CLCN6: variants seen among roughly 807,000 people sequenced by gnomAD.
CLCN6 encodes the protein Cl-/H+ antiporter 6.
In CLCN6, 70 loss-of-function variants were observed where a neutral mutation model predicts 109.8. The observed-to-expected ratio is 0.64, with a 90% confidence interval of 0.53 to 0.78. The LOEUF (loss-of-function observed/expected upper bound fraction) is 0.78, where lower values mean the gene tolerates loss of function less well. Ranked by LOEUF, CLCN6 falls within the 30% of genes least tolerant of loss-of-function variation. The pLI is 0.00. For missense variants in CLCN6, 984 were observed against 1,142.3 expected (o/e 0.86, Z 2.00); for synonymous variants, 444 against 447.8 (o/e 0.99, Z 0.11).
rs560122047 is a variant in CLCN6, at chr1:11,836,895, C to T, written c.1981-104C>T. 31 of 1,349,928 alleles carry T rather than the reference C, an allele frequency of 2.3e-5. 1 individual carries two copies. The East Asian group carries it at 2.4e-4, about 10-fold the overall frequency. The allele number at this position is 1,349,928 out of a possible 1,614,324, so 83.6% of individuals were successfully genotyped here. ...CTCAGCCCCATTAAGTTCCTGCGTCCGGATGTGCTTCTGACCCTCCCTGTC... is the reference window on the plus strand; with the variant it reads ...CTCAGCCCCATTAAGTTCCTGCGTCTGGATGTGCTTCTGACCCTCCCTGTC... On this transcript the variant is annotated intron_variant, in intron 18 of 22. Coordinates refer to ENST00000346436, the MANE Select transcript of CLCN6 (RefSeq NM_001286.5).
At chr1:11,821,342 G>A (rs909452888) in intron 5 of CLCN6, among the ~76,000 whole-genome samples, 1 of 152,192 alleles carries the variant, frequency 6.6e-6, no homozygotes, top group Admixed American at 6.5e-5. Context: ...CGGATCACTT[G>A]AGGTCAGGAG....
chr1:11,833,045 C>T (rs1225278571), intron 13 of CLCN6, among the ~76,000 whole-genome samples: 1 of 149,230 alleles, frequency 6.7e-6, no homozygotes, highest in African/African-American at 2.5e-5. Flanking sequence ...TAGCAAATTG[C>T]AGCAAAATCA....
chr1:11,811,302 G>C (rs1429515810), intron 2 of CLCN6, among the ~76,000 whole-genome samples: 2 of 151,902 alleles, frequency 1.3e-5, no homozygotes, highest in Non-Finnish European at 2.9e-5. Context: ...ATACTATTCA[G>C]TTCACCCATG....
chr1:11,835,996 A>G lies in CLCN6; in HGVS notation c.1823A>G (p.Asn608Ser), dbSNP rs994241199. 2 of 1,613,406 alleles carry G rather than the reference A, an allele frequency of 1.2e-6. No individual in the cohort carries two copies. The highest frequency in any genetic ancestry group is 1.3e-5 in the African/African-American group (1 of 74,752). ...KLRASDIMEP[N>S]LTYVYPHTRI... is the part of the protein sequence containing the mutation. ...AGAGCCAGCGACATCATGGAGCCCA[A>G]CCTGACCTACGTCTACCCGCACACC... Residue 608 changes from asparagine (N) to serine (S), a missense_variant, in exon 18 of 23, where the codon AAC becomes AGC. By Grantham distance (46) the Asn-to-Ser change is conservative (BLOSUM62 1). Coordinates refer to ENST00000346436, the MANE Select transcript of CLCN6 (RefSeq NM_001286.5).
intron 2 of CLCN6, among the ~76,000 whole-genome samples, chr1:11,814,453 G>A (rs577522393): frequency 1.3e-5 from 2 of 152,044 alleles, no homozygotes; most frequent in East Asian, 3.9e-4. Flanking sequence ...TCACCATCTT[G>A]CCTAGGCTGG....
At chr1:11,810,172 G>T (rs771841754) in intron 2 of CLCN6, among the ~76,000 whole-genome samples, 5 of 152,134 alleles carry the variant, frequency 3.3e-5, no homozygotes, top group African/African-American at 4.8e-5. Context: ...TCTAAAAAGT[G>T]CCCCTTCTTC....
intron 17 of CLCN6, among the ~76,000 whole-genome samples, chr1:11,835,741 C>T (rs1644935839): frequency 6.6e-6 from 1 of 152,190 alleles, no homozygotes; most frequent in Non-Finnish European, 1.5e-5. Context: ...TGAGCCCGAG[C>T]CCATCAGCCT....
chr1:11,826,298 T>C, intron 9 of CLCN6, 84 bp downstream of exon 9: 1 of 1,158,716 alleles, frequency 8.6e-7, no homozygotes, highest in South Asian at 1.2e-5. Context: ...TGCTCTAGCC[T>C]GGCAGTATCC....
intron 12 of CLCN6, 90 bp from the exon 13 acceptor site, chr1:11,829,106 C>A (rs1284346626): frequency 1.3e-6 from 2 of 1,484,840 alleles, no homozygotes; most frequent in Non-Finnish European, 9.2e-7. Flanking sequence ...TTGGAGAAAT[C>A]GGGGCTGGGG....
At position 11,829,300 on chromosome 1, in the gene CLCN6, G is replaced by A; in HGVS notation, c.1226G>A (p.Gly409Asp). 1 of 1,614,146 alleles carries A rather than the reference G, an allele frequency of 6.2e-7. No individual in the cohort carries two copies. The highest frequency in any genetic ancestry group is 1.7e-4 in the Middle Eastern group (1 of 6,060). The change falls in exon 13 of 23, where the codon GGT becomes GAT. Residue 409 changes from glycine (G) to aspartate (D), a missense_variant. Physicochemically the swap from Gly to Asp is moderately conservative, Grantham distance 94. Coordinates refer to ENST00000346436, the MANE Select transcript of CLCN6 (RefSeq NM_001286.5). The stretch of plus-strand genomic sequence containing the variant: ...CAGATGTCCTCTTCGAGTCAAATCG[G>A]TAATGACTCATTCCAGCTCCAGGTA... ...CRQMSSSSQI[G>D]NDSFQLQVTE...
At chr1:11,820,464 T>G in intron 5 of CLCN6, 1 of 696,990 alleles carries the variant, frequency 1.4e-6, no homozygotes, top group Non-Finnish European at 2.7e-6. Context: ...AGGCACAGAC[T>G]ATAAGAAAAA....
intron 3 of CLCN6, 89 bp downstream of exon 3, chr1:11,816,000 T>C: frequency 1.0e-6 from 1 of 969,888 alleles, no homozygotes; most frequent in African/African-American, 1.6e-5. Flanking sequence ...TAAACATCTT[T>C]ACACCTTGTT....
At chr1:11,825,272 G>A (rs948046468) in intron 8 of CLCN6, among the ~76,000 whole-genome samples, 3 of 152,180 alleles carry the variant, frequency 2.0e-5, no homozygotes, top group Admixed American at 1.3e-4. Flanking sequence ...AGATTCTTTC[G>A]TCCAGAGCTC....
chr1:11,837,380 C>T lies in CLCN6; in HGVS notation c.2176C>T (p.Pro726Ser). 1.2e-6 allele frequency: 2 copies of T among 1,614,024 alleles called. No homozygotes were observed. The highest frequency in any genetic ancestry group is 1.7e-6 in the Non-Finnish European group (2 of 1,179,862). Residue 726 changes from proline to serine, a missense_variant, in exon 20 of 23, where the codon CCA becomes TCA. Physicochemically the swap from Pro to Ser is moderately conservative, Grantham distance 74. Transcript: ENST00000346436. ...PYPNLYPDQS[P>S]SEDWTMEERF... ...CCCCAACCTATACCCTGACCAGTCCCCAAGTGAAGACTGGACCATGGAGGA... is the reference window on the plus strand; with the variant it reads ...CCCCAACCTATACCCTGACCAGTCCTCAAGTGAAGACTGGACCATGGAGGA...
At chr1:11,814,992 C>T (rs2100613277) in intron 2 of CLCN6, among the ~76,000 whole-genome samples, 1 of 150,162 alleles carries the variant, frequency 6.7e-6, no homozygotes, top group African/African-American at 2.5e-5. Flanking sequence ...GAGATTGCGC[C>T]ACTGCACTCC....
chr1:11,824,700 A>G (rs1644790001), intron 8 of CLCN6, 147 bp downstream of exon 8: 2 of 528,414 alleles, frequency 3.8e-6, no homozygotes. Context: ...TCTATCTCTC[A>G]GGAAAGGGCA....
At chr1:11,831,738 C>T (rs78223452) in intron 13 of CLCN6, among the ~76,000 whole-genome samples, 1 of 151,976 alleles carries the variant, frequency 6.6e-6, no homozygotes, top group African/African-American at 2.4e-5. Flanking sequence ...GGCTGGAGTA[C>T]GGTGGTGTGA....
intron 13 of CLCN6, among the ~76,000 whole-genome samples, chr1:11,830,764 T>TATATAC (rs1202765592): frequency 1.7e-3 from 202 of 115,522 alleles, no homozygotes; most frequent in African/African-American, 4.8e-3. Flanking sequence ...TATATATATA[T>TATATAC]ACACACACAC....
At chr1:11,822,247 G>C (rs1361315455) in intron 5 of CLCN6, among the ~76,000 whole-genome samples, 1 of 152,136 alleles carries the variant, frequency 6.6e-6, no homozygotes, top group Non-Finnish European at 1.5e-5. Context: ...AATGTCAAAG[G>C]CATCTCAAAC....
Sources: allele counts gnomAD v4.1 joint callset (sites outside exome capture counted in the v4.1 genomes callset), GRCh38; gene constraint gnomAD v4.1.1; transcripts MANE v1.5; gene names NCBI Gene and HGNC (gene_info 2026-07-23, HGNC 2026-07-21).